The following CC2D2B variants were observed in gnomAD, a reference collection of about 807,000 sequenced individuals.
CC2D2B encodes protein CC2D2B.
CC2D2B carries 128 observed loss-of-function variants against 161.2 expected under a neutral mutation model. That is an observed-to-expected ratio of 0.79 (90% CI 0.69 to 0.92). The LOEUF (loss-of-function observed/expected upper bound fraction) is 0.92, where lower values mean the gene tolerates loss of function less well. CC2D2B is among the 40% of genes least tolerant of loss of function. CC2D2B has a pLI of 0.00. For synonymous variants in CC2D2B, 391 were observed against 449.8 expected, an observed-to-expected ratio of 0.87 and a Z score of 1.65; for missense variants, 1,173 against 1,375.1, an observed-to-expected ratio of 0.85 and a Z score of 2.32.
intron 6 of CC2D2B, among the ~76,000 whole-genome samples, chr10:95,927,667 CAA>C (rs1356696213): frequency 1.3e-5 from 2 of 151,832 alleles, no homozygotes; most frequent in Non-Finnish European, 2.9e-5. Flanking sequence ...GCTGTCAGCT[CAA>C]AAGCCTGTGT....
intron 9 of CC2D2B, among the ~76,000 whole-genome samples, chr10:95,940,696 T>G (rs572453642): frequency 1.3e-5 from 2 of 152,332 alleles, no homozygotes; most frequent in African/African-American, 4.8e-5. Context: ...TTGACATTAG[T>G]CAGCTGACCA....
Position 95,972,232 on chromosome 10 carries a change from A to C in CC2D2B, c.1795+16A>C. 8.1e-7 allele frequency: 1 copy of C among 1,230,588 alleles called. No individual in the cohort carries two copies. Among genetic ancestry groups the C allele is most frequent in the Non-Finnish European group, 1.0e-6 (1 of 986,670 alleles). 76.2% of individuals were successfully genotyped at this position (1,230,588 alleles called of 1,614,324 possible). ...GTAGGAAGCAGTGAGTTTATTAAAAATATTACATTCCCCCTATTTTCTTCC... is the reference window on the plus strand; with the variant it reads ...GTAGGAAGCAGTGAGTTTATTAAAACTATTACATTCCCCCTATTTTCTTCC... On this transcript the variant is annotated intron_variant, in intron 16 of 34. Transcript: ENST00000646931.
chr10:95,949,820 T>C (rs1161535677), intron 9 of CC2D2B, 76 bp from the exon 10 acceptor site: 1 of 397,234 alleles, frequency 2.5e-6, no homozygotes, highest in African/African-American at 2.1e-5. Context: ...AATGTTACTT[T>C]TGTAAGGAAA....
Position 95,961,842 on chromosome 10 carries a change from A to T in CC2D2B, c.1123A>T (p.Met375Leu), listed in dbSNP as rs1230349510. ...YYWQISNTKQMYDLERGKDLS... is the reference protein window; with the variant it reads ...YYWQISNTKQLYDLERGKDLS... Reference sequence around the variant, plus strand: ...TTTTTGTTGTAGTAATACAAAACAGATGTATGACTTAGAAAGGGGAAAGGA... The same window carrying T: ...TTTTTGTTGTAGTAATACAAAACAGTTGTATGACTTAGAAAGGGGAAAGGA... Residue 375 changes from methionine to leucine, a missense_variant, in exon 12 of 35, where the codon ATG becomes TTG. This residue lies in a region of CC2D2B where 298 missense variants were observed against 261.2 expected (regional missense o/e 1.14). Transcript: ENST00000646931. 1 of 1,231,558 alleles carries T rather than the reference A, an allele frequency of 8.1e-7. No individual in the cohort carries two copies. The highest frequency in any genetic ancestry group is 1.0e-6 in the Non-Finnish European group (1 of 987,562). 76.3% of individuals were successfully genotyped at this position (1,231,558 alleles called of 1,614,324 possible).
At position 95,992,491 on chromosome 10, in the gene CC2D2B, C is replaced by T. The variant is rs762841411; in HGVS notation, c.2472-36C>T. 5.2e-5 allele frequency: 64 copies of T among 1,229,450 alleles called. No individual in the cohort carries two copies. In the East Asian group the frequency reaches 1.5e-3, roughly 28 times the overall value. 76.2% of individuals were successfully genotyped at this position (1,229,450 alleles called of 1,614,324 possible). On this transcript the variant is annotated intron_variant, in intron 21 of 34. Coordinates refer to ENST00000646931, the MANE Select transcript of CC2D2B (RefSeq NM_001349008.3). ...CTGTTATCTTTTAAAACCAAGAAAA[C>T]GTAAATGAGGCTAATGATCATTTTT...
rs2077550411 is a variant in CC2D2B, at chr10:95,982,092, T to C, written c.2061T>C (p.Ser687=). Residue 687 remains serine (S), a synonymous_variant, in exon 18 of 35, where the codon TCT becomes TCC. Coordinates refer to ENST00000646931, the MANE Select transcript of CC2D2B (RefSeq NM_001349008.3). ...TTGATCCAAATAATCCAGAATATTC[T>C]GATTTAATGGAATCTGTTACGGTAA... ...VRIDPNNPEY[S]DLMESVTYMR... The C allele has an allele frequency of 1.6e-6, 2 of 1,230,458 alleles. No homozygotes were observed. Among genetic ancestry groups the C allele is most frequent in the Non-Finnish European group, 2.0e-6 (2 of 986,480 alleles). 76.2% of individuals were successfully genotyped at this position (1,230,458 alleles called of 1,614,324 possible). A position where few individuals can be genotyped will look rare whatever the true frequency, so the allele number is the denominator to read the frequency against.
intron 17 of CC2D2B, 131 bp downstream of exon 17, chr10:95,974,287 T>C (rs968629386): frequency 1.1e-5 from 5 of 437,852 alleles, no homozygotes; most frequent in African/African-American, 1.0e-4. Context: ...TGATTTATCT[T>C]TTATTTAAAT....
At position 96,016,234 on chromosome 10, in the gene CC2D2B, G is replaced by T; in HGVS notation, c.3550G>T (p.Glu1184Ter). The T allele has an allele frequency of 6.2e-7, 1 of 1,612,554 alleles. No individual in the cohort carries two copies. The highest frequency in any genetic ancestry group is 8.5e-7 in the Non-Finnish European group (1 of 1,179,442). The change falls in exon 30 of 35, where the codon GAG becomes TAG. Residue 1184 changes from glutamate to a stop codon, truncating the protein, a stop_gained. Transcript: ENST00000646931. LOFTEE classifies it high-confidence loss of function. ...CISLAIGNKE[E>*]HAILLCNFFL... ...CAGTTTAGCTATCGGAAATAAGGAG[G>T]AGCATGCCATCCTTCTCTGTAATTT...
chr10:96,024,245 A>G (rs1325745775), intron 32 of CC2D2B, among the ~76,000 whole-genome samples: 4 of 149,934 alleles, frequency 2.7e-5, no homozygotes, highest in South Asian at 2.1e-4. Context: ...GTGTATGTGC[A>G]TGTGTGTGTG....
Position 96,027,212 on chromosome 10 carries a change from G to A in CC2D2B, c.3948G>A (p.Arg1316=), listed in dbSNP as rs1260889071. ...AATTACCTTTGGATTCTTACCTTAG[G>A]ATCGAAAGGACTCTGAAGAGTAAAG... ...DKSMVEDLRN[R]IERTLKSKVM... The change falls in exon 34 of 35, where the codon AGG becomes AGA. Residue 1316 remains arginine, a splice_region_variant and synonymous_variant. Transcript: ENST00000646931. 9.2e-6 allele frequency: 14 copies of A among 1,520,638 alleles called. No homozygotes were observed. The highest frequency in any genetic ancestry group is 3.4e-4 in the Middle Eastern group (2 of 5,912). The allele number at this position is 1,520,638 out of a possible 1,614,324, so 94.2% of individuals were successfully genotyped here. A position where few individuals can be genotyped will look rare whatever the true frequency, so the allele number is the denominator to read the frequency against.
At chr10:96,029,163 T>C (rs2079913550) in intron 34 of CC2D2B, among the ~76,000 whole-genome samples, 1 of 148,944 alleles carries the variant, frequency 6.7e-6, no homozygotes, top group South Asian at 2.1e-4. Context: ...CTTGGGGGGA[T>C]GAATAGCCCA....
At position 95,944,659 on chromosome 10, in the gene CC2D2B, T is replaced by G. The variant is rs569059684; in HGVS notation, c.802-5237T>G. 1.4e-4 allele frequency among the ~76,000 whole-genome samples: 21 copies of G among 152,324 alleles called. No homozygotes were observed. In the East Asian group the frequency reaches 3.9e-3, roughly 28 times the overall value. The stretch of plus-strand genomic sequence containing the variant: ...TAAAAAGTAAATGCATAATTTACAA[T>G]TATTGAAGAAATATTAACCACCATT... On this transcript the variant is annotated intron_variant, in intron 9 of 34. Coordinates refer to ENST00000646931, the MANE Select transcript of CC2D2B (RefSeq NM_001349008.3).
At chr10:96,010,383 A>G (rs151215627) in intron 26 of CC2D2B, among the ~76,000 whole-genome samples, 87 of 152,242 alleles carry the variant, frequency 5.7e-4, no homozygotes, top group African/African-American at 2.0e-3. Context: ...CAAAGTAGAA[A>G]AGCCCCAGCC....
chr10:96,020,011 A>C, intron 32 of CC2D2B, 187 bp downstream of exon 32: 1 of 504,084 alleles, frequency 2.0e-6, no homozygotes, highest in South Asian at 3.3e-5. Flanking sequence ...CAGAAAAAAT[A>C]AATTGAGAAG....
At chr10:95,993,950 G>GTATA (rs1423889937) in intron 22 of CC2D2B, among the ~76,000 whole-genome samples, 2 of 13,724 alleles carry the variant, frequency 1.5e-4, no homozygotes, top group East Asian at 1.5e-3. Flanking sequence ...GTGTATGTAT[G>GTATA]TGTATATATA....
chr10:96,031,718 T>A, intron 34 of CC2D2B, 102 bp from the exon 35 acceptor site: 1 of 999,582 alleles, frequency 1.0e-6, no homozygotes, highest in Non-Finnish European at 1.5e-6. Flanking sequence ...TAGTATTTTA[T>A]GAGTACTATT....
At chr10:96,015,313 G>A (rs1173785703) in intron 29 of CC2D2B, among the ~76,000 whole-genome samples, 7 of 143,430 alleles carry the variant, frequency 4.9e-5, no homozygotes, top group African/African-American at 1.6e-4. Flanking sequence ...TCCTGACCTC[G>A]TGATCTGGCC....
At chr10:95,961,650 T>C (rs1234465986) in intron 11 of CC2D2B, 179 bp from the exon 12 acceptor site, 5 of 384,080 alleles carry the variant, frequency 1.3e-5, no homozygotes, top group East Asian at 3.7e-5. Context: ...AAATTTCTAA[T>C]GGAATTGCAG....
chr10:95,999,965 A>T, intron 24 of CC2D2B: 1 of 678,590 alleles, frequency 1.5e-6, no homozygotes, highest in South Asian at 1.6e-5. Context: ...TAGAGCACTT[A>T]TGTGCTCAAT....
Sources: allele counts gnomAD v4.1 joint callset (sites outside exome capture counted in the v4.1 genomes callset), GRCh38; gene constraint gnomAD v4.1.1; regional missense constraint gnomAD v4.1.1; transcripts MANE v1.5; gene names NCBI Gene and HGNC (gene_info 2026-07-23, HGNC 2026-07-21).